The following LRIG1 variants were observed in gnomAD, a reference collection of about 807,000 sequenced individuals.
The protein encoded by LRIG1 is leucine-rich repeats and immunoglobulin-like domains protein 1.
In LRIG1, 48 loss-of-function variants were observed where a neutral mutation model predicts 99.2. The ratio of observed to expected loss-of-function variants is 0.48; its 90% CI spans 0.38 to 0.62. The LOEUF (loss-of-function observed/expected upper bound fraction) is 0.62. Ranked by LOEUF, LRIG1 falls within the 20% of genes least tolerant of loss-of-function variation. The pLI, the probability that LRIG1 is intolerant of heterozygous loss-of-function variation, is 0.00. For synonymous variants in LRIG1, 772 were observed against 596.1 expected, an observed-to-expected ratio of 1.29 and a Z score of -4.30; for missense variants, 1,646 against 1,434.4, an observed-to-expected ratio of 1.15 and a Z score of -2.38.
intron 9 of LRIG1, chr3:66,401,660 T>A (rs1038306155): frequency 1.3e-6 from 2 of 1,529,932 alleles, no homozygotes; most frequent in Non-Finnish European, 8.7e-7. Context: ...GCCAGCAGAC[T>A]GGGATGGCTC....
At chr3:66,465,715 C>G (rs1700459334) in intron 1 of LRIG1, among the ~76,000 whole-genome samples, 1 of 151,974 alleles carries the variant, frequency 6.6e-6, no homozygotes, top group Non-Finnish European at 1.5e-5. Flanking sequence ...TAAAATTTGC[C>G]TTTGTAACCA....
intron 11 of LRIG1, among the ~76,000 whole-genome samples, chr3:66,394,650 C>G (rs1228077498): frequency 6.6e-6 from 1 of 152,080 alleles, no homozygotes; most frequent in African/African-American, 2.4e-5. Context: ...TCCCACTTTC[C>G]TGATAAACTA....
At chr3:66,488,626 G>A (rs1701029924) in intron 1 of LRIG1, among the ~76,000 whole-genome samples, 1 of 152,154 alleles carries the variant, frequency 6.6e-6, no homozygotes, top group African/African-American at 2.4e-5. Context: ...GACAGAGTGA[G>A]ACTCTGCCTC....
intron 13 of LRIG1, among the ~76,000 whole-genome samples, chr3:66,385,651 C>G: frequency 6.6e-6 from 1 of 152,116 alleles, no homozygotes; most frequent in Admixed American, 6.6e-5. Context: ...CGGGGTTTCA[C>G]TATGTTGGCC....
intron 2 of LRIG1, among the ~76,000 whole-genome samples, chr3:66,457,612 C>T (rs972322763): frequency 1.3e-5 from 2 of 152,198 alleles, no homozygotes; most frequent in Non-Finnish European, 2.9e-5. Flanking sequence ...TTAATAACTA[C>T]AGTAACACCA....
intron 12 of LRIG1, among the ~76,000 whole-genome samples, chr3:66,391,840 T>C (rs1701632258): frequency 6.6e-6 from 1 of 152,218 alleles, no homozygotes; most frequent in Non-Finnish European, 1.5e-5. Flanking sequence ...TCATCTAAAG[T>C]ATACAATTCA....
intron 1 of LRIG1, among the ~76,000 whole-genome samples, chr3:66,473,628 A>G (rs1200703955): frequency 6.6e-6 from 1 of 152,272 alleles, no homozygotes; most frequent in Non-Finnish European, 1.5e-5. Context: ...AATGCAGATC[A>G]TACAAATACA....
chr3:66,407,487 G>T lies in LRIG1; in HGVS notation c.940C>A (p.Leu314Met). The T allele has an allele frequency of 6.2e-7, 1 of 1,613,922 alleles. No homozygotes were observed. ...SFCQKLHELV[L>M]SFNNLTRLDE... ...AGCCGTGTCAGGTTGTTGAAGGACA[G>T]GACCCTGAGGAAAGGGAGGGCAGCA... Residue 314 changes from leucine to methionine, a missense_variant, in exon 8 of 19, where the codon CTG becomes ATG. Physicochemically the swap from Leu to Met is conservative, Grantham distance 15. Coordinates refer to ENST00000273261, the MANE Select transcript of LRIG1 (RefSeq NM_015541.3).
intron 1 of LRIG1, among the ~76,000 whole-genome samples, chr3:66,475,410 G>A (rs1326176289): frequency 1.3e-5 from 2 of 152,150 alleles, no homozygotes; most frequent in Non-Finnish European, 2.9e-5. Flanking sequence ...GGGGGTGAGA[G>A]CAGTTTGCTG....
chr3:66,500,478 GGCC>G lies in LRIG1; in HGVS notation c.-74_-72del. The G allele has an allele frequency of 1.2e-6, 1 of 868,834 alleles. No homozygotes were observed. The highest frequency in any genetic ancestry group is 1.6e-6 in the Non-Finnish European group (1 of 634,436). The allele number at this position is 868,834 out of a possible 1,614,324, so 53.8% of individuals were successfully genotyped here. A position where few individuals can be genotyped will look rare whatever the true frequency, so the allele number is the denominator to read the frequency against. On this transcript the variant is annotated 5_prime_UTR_variant, in exon 1 of 19. Transcript: ENST00000273261. ...ACCCGAACGGCCGCAGACGCGGGCG[GGCC>G]CGCGGGGCGCTCCGCTCGGCTCTAG...
At position 66,392,454 on chromosome 3, in the gene LRIG1, T is replaced by C. The variant is rs141725446; in HGVS notation, c.1468+1586A>G. On this transcript the variant is annotated intron_variant, in intron 12 of 18. Transcript: ENST00000273261. ...CTATCCTCAGCAACACTTGTTATTATCTGAGTTTTGGATTCTAGCTGTCCT... is the reference window on the plus strand; with the variant it reads ...CTATCCTCAGCAACACTTGTTATTACCTGAGTTTTGGATTCTAGCTGTCCT... 3.3e-3 allele frequency among the ~76,000 whole-genome samples: 507 copies of C among 152,324 alleles called. 2 individuals carry two copies. The highest frequency in any genetic ancestry group is 0.022 in the East Asian group (113 of 5,186).
chr3:66,457,597 T>G (rs1018424128), intron 2 of LRIG1, among the ~76,000 whole-genome samples: 13 of 152,180 alleles, frequency 8.5e-5, no homozygotes, highest in African/African-American at 3.1e-4. Flanking sequence ...GCCCTGTGCA[T>G]CATCTTAATA....
intron 11 of LRIG1, among the ~76,000 whole-genome samples, chr3:66,397,173 C>A (rs1328529871): frequency 6.6e-6 from 1 of 152,212 alleles, no homozygotes; most frequent in Non-Finnish European, 1.5e-5. Flanking sequence ...AGTGCCCAGG[C>A]CACCTTCCCT....
intron 3 of LRIG1, among the ~76,000 whole-genome samples, chr3:66,423,502 CAG>C (rs1283318353): frequency 6.6e-6 from 1 of 152,154 alleles, no homozygotes; most frequent in Non-Finnish European, 1.5e-5. Context: ...ACCTGGGAGG[CAG>C]AGGTTGTAGT....
At chr3:66,446,657 C>A (rs1703737677) in intron 3 of LRIG1, among the ~76,000 whole-genome samples, 1 of 152,010 alleles carries the variant, frequency 6.6e-6, no homozygotes, top group African/African-American at 2.4e-5. Context: ...CCACCTGCCT[C>A]AGCCTCCCAA....
In LRIG1 at chr3:66,380,353, T is replaced by C. The variant is rs1306194567; in HGVS notation, c.3192A>G (p.Lys1064=). Residue 1064 remains lysine (K), a synonymous_variant, in exon 19 of 19, where the codon AAA becomes AAG. Coordinates refer to ENST00000273261, the MANE Select transcript of LRIG1 (RefSeq NM_015541.3). ...YLLVSNGHLP[K]ACDASPESTP... is the part of the protein sequence containing the mutation. Reference sequence around the variant, plus strand: ...TGGACTCGGGACTGGCGTCACATGCTTTGGGGAGGTGGCCATTGGAAACAA... The same window carrying C: ...TGGACTCGGGACTGGCGTCACATGCCTTGGGGAGGTGGCCATTGGAAACAA... 18 of 1,614,060 alleles carry C rather than the reference T, an allele frequency of 1.1e-5. No homozygotes were observed. In the Admixed American group the frequency reaches 2.3e-4, roughly 21 times the overall value.
chr3:66,406,345 C>T, intron 8 of LRIG1: 1 of 985,624 alleles, frequency 1.0e-6, no homozygotes, highest in African/African-American at 1.7e-5. Context: ...CTAGCCCTGG[C>T]TGCCAAAGTT....
intron 8 of LRIG1, chr3:66,406,038 G>C: frequency 1.0e-6 from 1 of 987,712 alleles, no homozygotes; most frequent in Non-Finnish European, 1.2e-6. Flanking sequence ...AAGGTTCTTG[G>C]TTCTTAAATT....
chr3:66,380,177 G>A lies in LRIG1; in HGVS notation c.*86C>T, dbSNP rs1038587295. On this transcript the variant is annotated 3_prime_UTR_variant, in exon 19 of 19. Transcript: ENST00000273261. ...GAGTTACAACTATGTACAGATGAGT[G>A]ACGCTTGAACCCAAGCTTCCTCGCA... 5.6e-6 allele frequency: 6 copies of A among 1,075,762 alleles called. No homozygotes were observed. The African/African-American group carries it at 9.5e-5, about 17-fold the overall frequency. The allele number at this position is 1,075,762 out of a possible 1,614,324, so 66.6% of individuals were successfully genotyped here.
Sources: allele counts gnomAD v4.1 joint callset (sites outside exome capture counted in the v4.1 genomes callset), GRCh38; gene constraint gnomAD v4.1.1; transcripts MANE v1.5; gene names NCBI Gene and HGNC (gene_info 2026-07-23, HGNC 2026-07-21).